The following ADGRL1 variants were observed in gnomAD, a reference collection of about 807,000 sequenced individuals.
ADGRL1 encodes CIRL-1.
In ADGRL1, 31 loss-of-function variants were observed where a neutral mutation model predicts 148.9. That is an observed-to-expected ratio of 0.21 (90% confidence interval 0.16 to 0.28). The LOEUF (loss-of-function observed/expected upper bound fraction) is 0.28, where lower values mean the gene tolerates loss of function less well. Among genes scored for constraint, ADGRL1 ranks in the 10% least tolerant of loss-of-function variants. ADGRL1 has a pLI of 1.00. For missense variants in ADGRL1, 1,521 were observed against 2,058.8 expected, an observed-to-expected ratio of 0.74 and a Z score of 5.05; for synonymous variants, 937 against 900.3, an observed-to-expected ratio of 1.04 and a Z score of -0.73.
intron 4 of ADGRL1, chr19:14,169,303 G>A (rs926329040): frequency 6.6e-6 from 1 of 152,242 alleles, no homozygotes; most frequent in African/African-American, 2.4e-5. Context: ...CTTCCGTAGT[G>A]GCCCAGAGAA....
At chr19:14,165,509 G>A (rs1042132984) in intron 4 of ADGRL1, among the ~76,000 whole-genome samples, 4 of 152,174 alleles carry the variant, frequency 2.6e-5, no homozygotes, top group Admixed American at 2.0e-4. Flanking sequence ...GGTCTGTCTG[G>A]GGCCTTGGAC....
At position 14,152,406 on chromosome 19, in the gene ADGRL1, G is replaced by C. The variant is rs140179899; in HGVS notation, c.3552C>G (p.Pro1184=). 1.3e-5 allele frequency: 21 copies of C among 1,601,442 alleles called. No homozygotes were observed. The East Asian group carries it at 4.5e-4, about 34-fold the overall frequency. ...GTMGNHLLTN[P]VLQPRGGTSP... ...TGGTGCCCCCACGGGGCTGCAGCAC[G>C]GGGTTGGTCAGCAGGTGGTTCCCCA... is the stretch of plus-strand genomic sequence containing the variant. Residue 1184 remains proline (P), a synonymous_variant, in exon 21 of 23, where the codon CCC becomes CCG. Transcript: ENST00000361434. The surrounding 1 kb of genome is among the most constrained non-coding windows in gnomAD (Gnocchi z 6.1).
chr19:14,195,793 C>T (rs2145138897), intron 1 of ADGRL1, among the ~76,000 whole-genome samples: 1 of 152,294 alleles, frequency 6.6e-6, no homozygotes, highest in South Asian at 2.1e-4. Flanking sequence ...TGCTCAGGGA[C>T]TAACAGACCT....
At chr19:14,192,069 A>G (rs1274387077) in intron 1 of ADGRL1, among the ~76,000 whole-genome samples, 3 of 151,966 alleles carry the variant, frequency 2.0e-5, no homozygotes, top group Admixed American at 6.6e-5. Context: ...TTTAACCTTA[A>G]CTACCTCCCT....
rs1968903041 is a variant in ADGRL1, at chr19:14,157,628, C to T, written c.2536-168G>A. On this transcript the variant is annotated intron_variant, in intron 13 of 22. Coordinates refer to ENST00000361434, the MANE Select transcript of ADGRL1 (RefSeq NM_014921.5). The surrounding 1 kb of genome is among the most constrained non-coding windows in gnomAD (Gnocchi z 7.5). ...TCTGCACGCAGCAATGCGCTCACTTCCTCATGCTCTGGAAGGCTTGTGGAG... is the reference window on the plus strand; with the variant it reads ...TCTGCACGCAGCAATGCGCTCACTTTCTCATGCTCTGGAAGGCTTGTGGAG... Among the ~76,000 whole-genome samples the T allele has an allele frequency of 6.6e-6, 1 of 152,250 alleles. No individual in the cohort carries two copies. Among genetic ancestry groups the T allele is most frequent in the Non-Finnish European group, 1.5e-5 (1 of 68,044 alleles).
Position 14,160,278 on chromosome 19 carries a change from G to A in ADGRL1, c.1634C>T (p.Ala545Val), listed in dbSNP as rs776368374. Residue 545 changes from alanine to valine, a missense_variant, in exon 8 of 23, where the codon GCG becomes GTG. Physicochemically the swap from Ala to Val is moderately conservative, Grantham distance 64. Transcript: ENST00000361434. This position sits in a 1 kb window ranked among gnomAD's most constrained non-coding sequence, Gnocchi z 5.9. ...GGCCAGCTCGCTGGCGATGTTGGCC[G>A]CGTTCTCCCCACTCTTGATCTGCAT... ...VAQKIKSGEN[A>V]ANIASELARH... 3.1e-6 allele frequency: 5 copies of A among 1,592,158 alleles called. No individual in the cohort carries two copies. The highest frequency in any genetic ancestry group is 2.7e-5 in the African/African-American group (2 of 74,552).
rs547876851 is a variant in ADGRL1 at position 14,148,269 on chromosome 19, A to G, written c.*2604T>C. ...GACTGCAGTGATGTCCAGCCCCAGC[A>G]GGGGGCCCTGCCACACAGCTCTGAG... On this transcript the variant is annotated 3_prime_UTR_variant, in exon 23 of 23. Coordinates refer to ENST00000361434, the MANE Select transcript of ADGRL1 (RefSeq NM_014921.5). 1.3e-5 allele frequency: 2 copies of G among 152,704 alleles called. No individual in the cohort carries two copies. The highest frequency in any genetic ancestry group is 3.9e-4 in the East Asian group (2 of 5,174). 9.5% of individuals were successfully genotyped at this position (152,704 alleles called of 1,614,324 possible).
chr19:14,187,722 C>T (rs752332392), intron 1 of ADGRL1, among the ~76,000 whole-genome samples: 26 of 152,058 alleles, frequency 1.7e-4, no homozygotes, highest in Non-Finnish European at 3.1e-4. Flanking sequence ...TAGACATGGC[C>T]GGTGTCACTT....
At chr19:14,196,800 T>C (rs1024808110) in intron 1 of ADGRL1, among the ~76,000 whole-genome samples, 9 of 152,122 alleles carry the variant, frequency 5.9e-5, no homozygotes, top group African/African-American at 1.7e-4. Context: ...CCCACACTCC[T>C]ACACCATGTC....
intron 22 of ADGRL1, among the ~76,000 whole-genome samples, 174 bp downstream of exon 22, chr19:14,151,959 G>A (rs562163311): frequency 1.1e-4 from 16 of 152,270 alleles, no homozygotes; most frequent in African/African-American, 1.4e-4. Context: ...CAAACTCAAT[G>A]AACACCATCC....
chr19:14,163,460 A>AGGG, intron 4 of ADGRL1, 54 bp from the exon 5 acceptor site: 1 of 1,049,010 alleles, frequency 9.5e-7, no homozygotes, highest in Admixed American at 2.6e-5. Flanking sequence ...CAGAGGCGAG[A>AGGG]GGGAGGAGAG....
chr19:14,190,811 G>A (rs113720388), intron 1 of ADGRL1, among the ~76,000 whole-genome samples: 1 of 152,044 alleles, frequency 6.6e-6, no homozygotes. Flanking sequence ...ATCTTGGCCG[G>A]GCGCAGTGGC....
intron 1 of ADGRL1, among the ~76,000 whole-genome samples, chr19:14,203,803 G>C (rs1319820321): frequency 7.1e-6 from 1 of 140,854 alleles, no homozygotes; most frequent in African/African-American, 2.8e-5. Context: ...AGGAATCAGC[G>C]TGGGTGATCA....
chr19:14,188,279 A>G (rs2145077170), intron 1 of ADGRL1, among the ~76,000 whole-genome samples: 1 of 152,106 alleles, frequency 6.6e-6, no homozygotes, highest in Non-Finnish European at 1.5e-5. Context: ...GGGTTCTGGT[A>G]AGGAGAGCAG....
Position 14,159,710 on chromosome 19 carries a change from T to C in ADGRL1, c.1839+25A>G, listed in dbSNP as rs1172672717. 1 of 1,612,066 alleles carries C rather than the reference T, an allele frequency of 6.2e-7. No homozygotes were observed. Among genetic ancestry groups the C allele is most frequent in the Non-Finnish European group, 8.5e-7 (1 of 1,178,284 alleles). On this transcript the variant is annotated intron_variant, in intron 9 of 22. Coordinates refer to ENST00000361434, the MANE Select transcript of ADGRL1 (RefSeq NM_014921.5). The surrounding 1 kb of genome is among the most constrained non-coding windows in gnomAD (Gnocchi z 6.0). ...CCCATCAGCTGGAGCCCACGGTCCT[T>C]ACACTGGGACCCCCTGGGTCTCACC...
intron 1 of ADGRL1, among the ~76,000 whole-genome samples, chr19:14,205,046 CAG>C (rs1318455502): frequency 3.9e-5 from 6 of 151,964 alleles, no homozygotes; most frequent in South Asian, 2.1e-4. Context: ...AGTGTAGAGA[CAG>C]GGGTGTGTGT....
At chr19:14,156,550 AGAGT>A (rs1247639471) in intron 16 of ADGRL1, 104 bp downstream of exon 16, 12 of 585,894 alleles carry the variant, frequency 2.0e-5, no homozygotes, top group East Asian at 1.2e-4. Context: ...GGAGAGAGAG[AGAGT>A]GTGTGTGTGT....
intron 1 of ADGRL1, chr19:14,191,244 TC>T: frequency 2.2e-6 from 1 of 456,604 alleles, no homozygotes; most frequent in Non-Finnish European, 4.4e-6. Flanking sequence ...CTCAGAGGTG[TC>T]CTCCCCAGAG....
chr19:14,152,498 C>A lies in ADGRL1; in HGVS notation c.3520+19G>T. On this transcript the variant is annotated intron_variant, in intron 20 of 22. Transcript: ENST00000361434. This position sits in a 1 kb window ranked among gnomAD's most constrained non-coding sequence, Gnocchi z 6.1. Reference sequence around the variant, plus strand: ...AGCCTCCAGAGACTGAAGCCAGAGGCAGAAGGATGCCTTCTCACCTCGGTT... The same window carrying A: ...AGCCTCCAGAGACTGAAGCCAGAGGAAGAAGGATGCCTTCTCACCTCGGTT... 1.9e-6 allele frequency: 3 copies of A among 1,613,174 alleles called. No homozygotes were observed. The highest frequency in any genetic ancestry group is 1.7e-6 in the Non-Finnish European group (2 of 1,179,216).
Sources: allele counts gnomAD v4.1 joint callset (sites outside exome capture counted in the v4.1 genomes callset), GRCh38; gene constraint gnomAD v4.1.1; non-coding constraint Gnocchi (gnomAD v3.1); transcripts MANE v1.5; gene names NCBI Gene and HGNC (gene_info 2026-07-23, HGNC 2026-07-21).